Variants in WDR91 observed in about 807,000 individuals in gnomAD.
The protein encoded by WDR91 is WD repeat domain 91, also known as WD repeat-containing protein 91.
A neutral mutation model predicts 88.4 loss-of-function variants in WDR91; 52 were observed. The ratio of observed to expected loss-of-function variants is 0.59; its 90% CI spans 0.47 to 0.74. The LOEUF is 0.74. Among genes scored for constraint, WDR91 ranks in the 30% least tolerant of loss-of-function variants. The probability of loss-of-function intolerance (pLI) is 0.00; values close to 1 mark genes in which losing one functional copy is unlikely to be tolerated. For missense variants in WDR91, 824 were observed against 954.5 expected (o/e 0.86, Z 1.80); for synonymous variants, 362 against 389.5 (o/e 0.93, Z 0.83).
At chr7:135,209,522 G>A in intron 2 of WDR91, 54 bp downstream of exon 2, 1 of 1,456,674 alleles carries the variant, frequency 6.9e-7, no homozygotes. Context: ...ATCTATTTTG[G>A]GATCAAAGAG....
At position 135,195,014 on chromosome 7, in the gene WDR91, G is replaced by C. The variant is rs199762177; in HGVS notation, c.1315C>G (p.Pro439Ala). Residue 439 changes from proline (P) to alanine (A), a missense_variant, in exon 9 of 15, where the codon CCC becomes GCC. Coordinates refer to ENST00000354475, the MANE Select transcript of WDR91 (RefSeq NM_014149.4). ...DGVIKVWSFN[P>A]IMQTKASSIS... Reference sequence around the variant, plus strand: ...GAGGATGCTTTGGTCTGCATGATGGGGTTGAAGGACCACACTTTGATGACC... The same window carrying C: ...GAGGATGCTTTGGTCTGCATGATGGCGTTGAAGGACCACACTTTGATGACC... 149 of 1,614,028 alleles carry C rather than the reference G, an allele frequency of 9.2e-5. No homozygotes were observed. The highest frequency in any genetic ancestry group is 1.2e-4 in the Non-Finnish European group (143 of 1,180,038).
Position 135,193,235 on chromosome 7 carries a change from T to G in WDR91, c.1655A>C (p.Gln552Pro), listed in dbSNP as rs1299466069. ...AGCCACAGGGCAGGCCCGTACCTGC[T>G]GCTTCATGGTTTTCGTGTCCCACAG... is the stretch of plus-strand genomic sequence containing the variant. ...LLLWDTKTMK[Q>P]QLQFSLDPEP... The change falls in exon 11 of 15, where the codon CAG (glutamine) becomes CCG (proline). Residue 552 changes from glutamine to proline, a missense_variant. Physicochemically the swap from Gln to Pro is moderately conservative, Grantham distance 76. Transcript: ENST00000354475. 1.9e-6 allele frequency: 3 copies of G among 1,613,732 alleles called. No individual in the cohort carries two copies. The highest frequency in any genetic ancestry group is 1.3e-5 in the African/African-American group (1 of 74,912).
chr7:135,188,363 A>C, intron 13 of WDR91, 70 bp downstream of exon 13: 548 of 1,204,764 alleles, frequency 4.5e-4, no homozygotes, highest in Non-Finnish European at 6.3e-4. Flanking sequence ...AGTAACAGGT[A>C]TGGCCACAAC....
At position 135,193,417 on chromosome 7, in the gene WDR91, C is replaced by A. The variant is rs754045471; in HGVS notation, c.1491-18G>T. 1 of 1,613,296 alleles carries A rather than the reference C, an allele frequency of 6.2e-7. No individual in the cohort carries two copies. Among genetic ancestry groups the A allele is most frequent in the South Asian group, 1.1e-5 (1 of 91,064 alleles). On this transcript the variant is annotated intron_variant, in intron 10 of 14. Transcript: ENST00000354475. ...ACAGGATTCTGCAACACACATGGGCCTGGGTCAGACCCTCTGCCTGCCCAC... is the reference window on the plus strand; with the variant it reads ...ACAGGATTCTGCAACACACATGGGCATGGGTCAGACCCTCTGCCTGCCCAC...
At chr7:135,195,764 T>C (rs750767296) in intron 8 of WDR91, among the ~76,000 whole-genome samples, 2 of 152,102 alleles carry the variant, frequency 1.3e-5, no homozygotes, top group African/African-American at 2.4e-5. Flanking sequence ...CTGGCCAACA[T>C]GGTGAAACCC....
intron 11 of WDR91, among the ~76,000 whole-genome samples, chr7:135,193,008 G>A (rs561915314): frequency 7.9e-5 from 12 of 152,266 alleles, no homozygotes; most frequent in African/African-American, 2.6e-4. Flanking sequence ...TCAACCACAG[G>A]GGCCCTCTGG....
chr7:135,194,461 T>C (rs1831288913), intron 9 of WDR91, among the ~76,000 whole-genome samples: 1 of 152,230 alleles, frequency 6.6e-6, no homozygotes, highest in African/African-American at 2.4e-5. Context: ...TTTTACCTCC[T>C]TAACTACAAG....
chr7:135,206,907 C>T (rs292596), intron 4 of WDR91: 302,956 of 312,244 alleles, frequency 0.97, 147,513 homozygotes, highest in East Asian at 1. Flanking sequence ...GTTCATGCTA[C>T]ATATCTGACT....
At position 135,196,228 on chromosome 7, in the gene WDR91, C is replaced by A. The variant is rs761395879; in HGVS notation, c.1160G>T (p.Gly387Val). The A allele has an allele frequency of 1.2e-6, 2 of 1,612,212 alleles. No individual in the cohort carries two copies. Among genetic ancestry groups the A allele is most frequent in the African/African-American group, 1.3e-5 (1 of 74,930 alleles). Residue 387 changes from glycine (G) to valine (V), a missense_variant, in exon 8 of 15, where the codon GGT becomes GTT. Physicochemically the swap from Gly to Val is moderately radical, Grantham distance 109. Transcript: ENST00000354475. The surrounding 1 kb of genome is among the most constrained non-coding windows in gnomAD (Gnocchi z 4.2). ...LTRASSAGPE[G>V]GGVRPEQPFI... ...GGGCTGCTCGGGGCGGACTCCTCCA[C>A]CCTCAGGGCCTGCCGAGGATGCCCG...
At chr7:135,193,756 G>T in intron 9 of WDR91, 84 bp from the exon 10 acceptor site, 2 of 1,210,390 alleles carry the variant, frequency 1.7e-6, no homozygotes, top group Admixed American at 2.0e-5. Context: ...GGTGAGGCTG[G>T]GCAGGCTGTG....
chr7:135,200,194 G>A (rs535539395), intron 6 of WDR91: 1 of 152,336 alleles, frequency 6.6e-6, no homozygotes, highest in South Asian at 2.1e-4. Context: ...TAATAAGTAG[G>A]TGAAGGCCAA....
intron 2 of WDR91, 85 bp downstream of exon 2, chr7:135,209,491 C>A: frequency 7.4e-7 from 1 of 1,342,618 alleles, no homozygotes; most frequent in Non-Finnish European, 1.0e-6. Context: ...ATACAGATTC[C>A]TCCCTAGGAA....
chr7:135,189,664 T>C (rs556411339), intron 11 of WDR91, among the ~76,000 whole-genome samples: 1 of 152,374 alleles, frequency 6.6e-6, no homozygotes, highest in South Asian at 2.1e-4. Flanking sequence ...AAATACATTC[T>C]GGTTTCCATA....
Position 135,204,449 on chromosome 7 carries a change from A to G in WDR91, c.726-16T>C. 3.1e-6 allele frequency: 5 copies of G among 1,613,542 alleles called. No homozygotes were observed. Among genetic ancestry groups the G allele is most frequent in the Non-Finnish European group, 4.2e-6 (5 of 1,179,648 alleles). ...CACCATGGCACTGGTCAGCAAACAC[A>G]CCACAGGGTCAGAGGGCTGAAACAG... On this transcript the variant is annotated splice_polypyrimidine_tract_variant and intron_variant, in intron 5 of 14. Coordinates refer to ENST00000354475, the MANE Select transcript of WDR91 (RefSeq NM_014149.4).
chr7:135,200,918 C>T (rs1158020848), intron 6 of WDR91, among the ~76,000 whole-genome samples: 1 of 152,170 alleles, frequency 6.6e-6, no homozygotes, highest in Admixed American at 6.5e-5. Context: ...AATTTGGTCT[C>T]ACCTGAAGCT....
intron 8 of WDR91, among the ~76,000 whole-genome samples, chr7:135,195,462 C>A (rs1831328825): frequency 6.6e-6 from 1 of 152,228 alleles, no homozygotes; most frequent in Non-Finnish European, 1.5e-5. Flanking sequence ...CCATCTACAG[C>A]TGAAAATTAT....
intron 11 of WDR91, among the ~76,000 whole-genome samples, chr7:135,191,877 G>A (rs1281821891): frequency 6.6e-6 from 1 of 152,088 alleles, no homozygotes; most frequent in African/African-American, 2.4e-5. Flanking sequence ...ATTACAAATT[G>A]TAATAAGAAC....
At chr7:135,201,661 A>T (rs1435184254) in intron 6 of WDR91, 1 of 152,218 alleles carries the variant, frequency 6.6e-6, no homozygotes, top group Non-Finnish European at 1.5e-5. Context: ...GTGTGTGCTT[A>T]TTCTTTAACA....
intron 11 of WDR91, among the ~76,000 whole-genome samples, chr7:135,191,049 A>G (rs1831144602): frequency 6.6e-6 from 1 of 152,236 alleles, no homozygotes; most frequent in East Asian, 1.9e-4. Flanking sequence ...CCAGAGAACC[A>G]GGTAAGATTT....
Sources: allele counts gnomAD v4.1 joint callset (sites outside exome capture counted in the v4.1 genomes callset), GRCh38; gene constraint gnomAD v4.1.1; non-coding constraint Gnocchi (gnomAD v3.1); transcripts MANE v1.5; gene names NCBI Gene and HGNC (gene_info 2026-07-23, HGNC 2026-07-21).